Variants in XKR6 observed in about 807,000 individuals in gnomAD.
XKR6 encodes XK-related protein 6.
Under a neutral mutation model 56.7 loss-of-function variants are expected in XKR6, and 22 were observed. The ratio of observed to expected loss-of-function variants is 0.39; its 90% CI spans 0.28 to 0.55. The LOEUF is 0.55. Ranked by LOEUF, XKR6 falls within the 20% of genes least tolerant of loss-of-function variation. The pLI is 0.66. For synonymous variants in XKR6, 524 were observed against 387.8 expected, an observed-to-expected ratio of 1.35 and a Z score of -4.13; for missense variants, 852 against 889.0, an observed-to-expected ratio of 0.96 and a Z score of 0.53.
chr8:11,189,602 A>C (rs1803444741), intron 1 of XKR6, among the ~76,000 whole-genome samples: 2 of 152,198 alleles, frequency 1.3e-5, no homozygotes, highest in African/African-American at 4.8e-5. Flanking sequence ...GTTTACCAAA[A>C]ACAAAAAACA....
chr8:11,067,887 C>T (rs1358700867), intron 1 of XKR6, among the ~76,000 whole-genome samples: 3 of 152,258 alleles, frequency 2.0e-5, no homozygotes, highest in Non-Finnish European at 2.9e-5. Context: ...CTGGGGGTCT[C>T]CCCATGACTG....
chr8:10,981,871 T>C (rs997554339), intron 1 of XKR6, among the ~76,000 whole-genome samples: 1 of 152,248 alleles, frequency 6.6e-6, no homozygotes. Context: ...AATGGAAAGA[T>C]GGGCAAATCC....
At chr8:11,132,874 A>G (rs1261338622) in intron 1 of XKR6, among the ~76,000 whole-genome samples, 2 of 148,138 alleles carry the variant, frequency 1.4e-5, no homozygotes, top group Non-Finnish European at 3.0e-5. Context: ...AAAAAAAAAA[A>G]TCTTCCAATG....
At chr8:11,091,454 AATAG>A (rs1316682558) in intron 1 of XKR6, among the ~76,000 whole-genome samples, 29 of 151,830 alleles carry the variant, frequency 1.9e-4, no homozygotes, top group South Asian at 4.2e-4. Context: ...TAAATAAATA[AATAG>A]ATAGATAGAT....
chr8:11,041,532 G>C (rs1799286146), intron 1 of XKR6, among the ~76,000 whole-genome samples: 1 of 149,420 alleles, frequency 6.7e-6, no homozygotes, highest in African/African-American at 2.5e-5. Context: ...CTCCAGCCTT[G>C]GTGACAGAGC....
intron 1 of XKR6, among the ~76,000 whole-genome samples, chr8:11,136,381 G>A (rs907056246): frequency 4.6e-5 from 7 of 152,068 alleles, no homozygotes; most frequent in African/African-American, 1.2e-4. Context: ...GCGGGTGCCC[G>A]CAATCCCAGC....
intron 1 of XKR6, among the ~76,000 whole-genome samples, chr8:10,990,668 T>C (rs1465505713): frequency 2.0e-5 from 3 of 152,088 alleles, no homozygotes; most frequent in African/African-American, 7.2e-5. Flanking sequence ...TAACCTCAAC[T>C]TCTCAGCTTC....
chr8:11,125,884 T>C (rs1014281990), intron 1 of XKR6: 1 of 152,204 alleles, frequency 6.6e-6, no homozygotes, highest in African/African-American at 2.4e-5. Context: ...TCCCGTGTTC[T>C]CAGTACTATA....
At chr8:11,095,267 A>C (rs1798231219) in intron 1 of XKR6, among the ~76,000 whole-genome samples, 1 of 152,238 alleles carries the variant, frequency 6.6e-6, no homozygotes, top group Non-Finnish European at 1.5e-5. Flanking sequence ...ATCTCAAATG[A>C]GATTCTGCTA....
intron 1 of XKR6, among the ~76,000 whole-genome samples, chr8:11,074,562 G>A (rs919068490): frequency 2.0e-5 from 3 of 152,232 alleles, no homozygotes; most frequent in African/African-American, 7.2e-5. Context: ...CATCCCTCAA[G>A]CATTTGTCTA....
Position 11,200,723 on chromosome 8 carries a change from A to G in XKR6, c.617T>C (p.Met206Thr). The change falls in exon 1 of 3, where the codon ATG (methionine) becomes ACG (threonine). Residue 206 changes from methionine to threonine, a missense_variant. Transcript: ENST00000416569. This position sits in a 1 kb window ranked among gnomAD's most constrained non-coding sequence, Gnocchi z 6.4. ...VEGLTSRGPP[M>T]MGAGYVHGAA... Reference sequence around the variant, plus strand: ...GCCGTGGACGTAGCCGGCCCCCATCATGGGGGGGCCCCGGCTGGTGAGCCC... The same window carrying G: ...GCCGTGGACGTAGCCGGCCCCCATCGTGGGGGGGCCCCGGCTGGTGAGCCC... 1.3e-6 allele frequency: 2 copies of G among 1,589,088 alleles called. No homozygotes were observed. Among genetic ancestry groups the G allele is most frequent in the South Asian group, 1.1e-5 (1 of 88,906 alleles).
At chr8:10,969,639 G>A (rs1483111710) in intron 1 of XKR6, among the ~76,000 whole-genome samples, 1 of 152,200 alleles carries the variant, frequency 6.6e-6, no homozygotes, top group African/African-American at 2.4e-5. Flanking sequence ...TGAAAGGCCA[G>A]AGGAACTGTT....
intron 1 of XKR6, among the ~76,000 whole-genome samples, chr8:11,100,802 T>C (rs1387726998): frequency 6.6e-6 from 1 of 152,246 alleles, no homozygotes; most frequent in Non-Finnish European, 1.5e-5. Flanking sequence ...AGTTTGGCTA[T>C]GATTTGTCCC....
chr8:10,931,610 C>T (rs763956534), intron 1 of XKR6, among the ~76,000 whole-genome samples: 13 of 152,042 alleles, frequency 8.6e-5, no homozygotes, highest in Non-Finnish European at 1.5e-4. Flanking sequence ...TAATTATGGC[C>T]AATTGGTTTT....
intron 1 of XKR6, among the ~76,000 whole-genome samples, chr8:11,152,556 C>A (rs1052499395): frequency 1.9e-4 from 29 of 152,180 alleles, no homozygotes; most frequent in African/African-American, 6.8e-4. Context: ...AGATGTCTTG[C>A]CCCTGAAGAA....
chr8:11,140,722 C>T (rs1292001621), intron 1 of XKR6, among the ~76,000 whole-genome samples: 1 of 151,680 alleles, frequency 6.6e-6, no homozygotes, highest in South Asian at 2.1e-4. Flanking sequence ...ACGGTGAAAC[C>T]CGGTCTCTAC....
chr8:11,167,416 AG>A (rs1802134181), intron 1 of XKR6, among the ~76,000 whole-genome samples: 1 of 152,214 alleles, frequency 6.6e-6, no homozygotes, highest in Non-Finnish European at 1.5e-5. Context: ...CCAACCTGTC[AG>A]GGATACTTGA....
rs182789103 is a variant in XKR6, at chr8:10,916,088, A to G, written c.961+8546T>C. 5.5e-4 allele frequency among the ~76,000 whole-genome samples: 84 copies of G among 152,362 alleles called. 1 individual carries two copies. The highest frequency in any genetic ancestry group is 1.9e-3 in the African/African-American group (81 of 41,606). On this transcript the variant is annotated intron_variant, in intron 2 of 2. Coordinates refer to ENST00000416569, the MANE Select transcript of XKR6 (RefSeq NM_173683.4). ...GACCCCAAGATCAGCACTGTGAGCC[A>G]TGGAGAAGGAGGGGCTCTGCTCAAT...
At chr8:11,063,026 A>C (rs1234540351) in intron 1 of XKR6, 1 of 357,152 alleles carries the variant, frequency 2.8e-6, no homozygotes, top group Admixed American at 3.9e-5. Context: ...AATGCCAGCC[A>C]CAAATTGGCA....
Sources: gnomAD v4.1 joint callset for allele counts (sites outside exome capture counted in the v4.1 genomes callset) on GRCh38, gnomAD v4.1.1 for gene constraint, Gnocchi (gnomAD v3.1) non-coding constraint, MANE v1.5 for transcripts, NCBI Gene and HGNC (gene_info 2026-07-23, HGNC 2026-07-21) for gene names.